The following ADAMTS14 variants were observed in gnomAD, a reference collection of about 807,000 sequenced individuals.
ADAMTS14 encodes ADAM metallopeptidase with thrombospondin type 1 motif 14.
ADAMTS14 carries 100 observed loss-of-function variants against 128.6 expected under a neutral mutation model. The ratio of observed to expected loss-of-function variants is 0.78; its 90% confidence interval spans 0.66 to 0.92. The LOEUF (loss-of-function observed/expected upper bound fraction) is 0.92. Among genes scored for constraint, ADAMTS14 ranks in the 40% least tolerant of loss-of-function variants. ADAMTS14 has a pLI of 0.00. For missense variants in ADAMTS14, 1,562 were observed against 1,658.6 expected, an observed-to-expected ratio of 0.94 and a Z score of 1.01; for synonymous variants, 665 against 653.8, an observed-to-expected ratio of 1.02 and a Z score of -0.26.
chr10:70,736,172 C>A (rs537384213), intron 9 of ADAMTS14, among the ~76,000 whole-genome samples: 2 of 152,328 alleles, frequency 1.3e-5, no homozygotes, highest in African/African-American at 4.8e-5. Context: ...GAAGCTATGG[C>A]TTCTCTGGAC....
chr10:70,698,358 G>C (rs150569878), intron 2 of ADAMTS14, among the ~76,000 whole-genome samples: 203 of 152,330 alleles, frequency 1.3e-3, no homozygotes, highest in African/African-American at 4.7e-3. Context: ...AGGAGGCAGA[G>C]AGCCAGAAAG....
Position 70,751,664 on chromosome 10 carries a change from C to G in ADAMTS14, c.2596+18C>G. 1 of 1,597,234 alleles carries G rather than the reference C, an allele frequency of 6.3e-7. No homozygotes were observed. The highest frequency in any genetic ancestry group is 8.6e-7 in the Non-Finnish European group (1 of 1,166,024). ...TGGAGGAGGTACCGGTTCCCTGACC[C>G]GCCAGTGCTTTGTTGGGGCAGCCCA... On this transcript the variant is annotated intron_variant, in intron 17 of 21. Transcript: ENST00000373207.
chr10:70,730,514 C>A (rs1414362945), intron 6 of ADAMTS14, among the ~76,000 whole-genome samples: 1 of 152,160 alleles, frequency 6.6e-6, no homozygotes, highest in East Asian at 1.9e-4. Context: ...GCTTAATGTC[C>A]CAGAGCCTGG....
At chr10:70,681,005 C>T (rs1050445995) in intron 2 of ADAMTS14, among the ~76,000 whole-genome samples, 4 of 152,140 alleles carry the variant, frequency 2.6e-5, no homozygotes, top group Non-Finnish European at 5.9e-5. Flanking sequence ...CATCAGAGTC[C>T]CTTTATTGCA....
chr10:70,701,821 C>A (rs368711386), intron 2 of ADAMTS14, among the ~76,000 whole-genome samples: 1 of 152,160 alleles, frequency 6.6e-6, no homozygotes, highest in Non-Finnish European at 1.5e-5. Context: ...GAAATAACAG[C>A]GCTTCATATT....
At chr10:70,690,502 T>C (rs1222807779) in intron 2 of ADAMTS14, among the ~76,000 whole-genome samples, 1 of 145,492 alleles carries the variant, frequency 6.9e-6, no homozygotes, top group African/African-American at 2.4e-5. Context: ...GGAACTTGTC[T>C]CTTGGCCACT....
At chr10:70,750,342 G>T (rs548485116) in intron 16 of ADAMTS14, among the ~76,000 whole-genome samples, 2 of 152,278 alleles carry the variant, frequency 1.3e-5, no homozygotes, top group South Asian at 4.1e-4. Context: ...TGGCAAGGGA[G>T]TCCAGGAGCA....
At chr10:70,749,765 C>T in intron 15 of ADAMTS14, 57 bp from the exon 16 acceptor site, 4 of 1,576,792 alleles carry the variant, frequency 2.5e-6, no homozygotes, top group Non-Finnish European at 2.6e-6. Context: ...ATATTCATGG[C>T]CCGCCCCCTG....
intron 4 of ADAMTS14, among the ~76,000 whole-genome samples, chr10:70,709,155 T>C (rs1042924489): frequency 6.6e-6 from 1 of 152,158 alleles, no homozygotes; most frequent in Non-Finnish European, 1.5e-5. Context: ...TTGAAGGGAC[T>C]CTTCTGGGAC....
At position 70,736,751 on chromosome 10, in the gene ADAMTS14, G is replaced by C. The variant is rs1405880815; in HGVS notation, c.1557G>C (p.Lys519Asn). 1 of 1,613,838 alleles carries C rather than the reference G, an allele frequency of 6.2e-7. No individual in the cohort carries two copies. Among genetic ancestry groups the C allele is most frequent in the Non-Finnish European group, 8.5e-7 (1 of 1,179,826 alleles). ...HPDNPYFCKTKKGPPLDGTEC... is the reference protein window; with the variant it reads ...HPDNPYFCKTNKGPPLDGTEC... ...ACAACCCGTACTTCTGCAAGACCAAGAAGGGGCCCCCGCTGGATGGGACTG... is the reference window on the plus strand; with the variant it reads ...ACAACCCGTACTTCTGCAAGACCAACAAGGGGCCCCCGCTGGATGGGACTG... The change falls in exon 10 of 22, where the codon AAG becomes AAC. Residue 519 changes from lysine (K) to asparagine (N), a missense_variant. By Grantham distance (94) the Lys-to-Asn change is moderately conservative (BLOSUM62 0). Transcript: ENST00000373207.
At chr10:70,726,588 A>C (rs1327950879) in intron 4 of ADAMTS14, among the ~76,000 whole-genome samples, 1 of 152,190 alleles carries the variant, frequency 6.6e-6, no homozygotes, top group East Asian at 1.9e-4. Flanking sequence ...TAGTGCACTC[A>C]GGGAGGTCTG....
At chr10:70,683,535 C>T (rs970206540) in intron 2 of ADAMTS14, among the ~76,000 whole-genome samples, 1 of 152,160 alleles carries the variant, frequency 6.6e-6, no homozygotes, top group Non-Finnish European at 1.5e-5. Flanking sequence ...TGTCTTGATC[C>T]CAGCCAAATT....
At chr10:70,713,244 C>T (rs900225848) in intron 4 of ADAMTS14, among the ~76,000 whole-genome samples, 9 of 148,620 alleles carry the variant, frequency 6.1e-5, no homozygotes, top group African/African-American at 2.2e-4. Context: ...CCCCAGCTGG[C>T]TTCACTGCCA....
In ADAMTS14 at chr10:70,745,255, G is replaced by A. The variant is rs1483874861; in HGVS notation, c.2212G>A (p.Gly738Ser). ...TCTCAAGCTGGTGCAGATCCCAGCAGGTGCCAGGCACATCCAGATTGAGGC... is the reference window on the plus strand; with the variant it reads ...TCTCAAGCTGGTGCAGATCCCAGCAAGTGCCAGGCACATCCAGATTGAGGC... ...GALKLVQIPAGARHIQIEALE... is the reference protein window; with the variant it reads ...GALKLVQIPASARHIQIEALE... The change falls in exon 15 of 22, where the codon GGT (glycine) becomes AGT (serine). Residue 738 changes from glycine (G) to serine (S), a missense_variant. By Grantham distance (56) the Gly-to-Ser change is moderately conservative. Transcript: ENST00000373207. 2 of 1,612,448 alleles carry A rather than the reference G, an allele frequency of 1.2e-6. No homozygotes were observed. Among genetic ancestry groups the A allele is most frequent in the African/African-American group, 2.7e-5 (2 of 74,878 alleles).
intron 2 of ADAMTS14, among the ~76,000 whole-genome samples, chr10:70,681,408 A>G (rs1839797423): frequency 6.6e-6 from 1 of 152,208 alleles, no homozygotes; most frequent in East Asian, 1.9e-4. Context: ...AGGTCATTTC[A>G]GCTCTCCGTG....
chr10:70,680,200 G>C (rs12253622), intron 2 of ADAMTS14, among the ~76,000 whole-genome samples: 10,972 of 152,088 alleles, frequency 0.072, 854 homozygotes, highest in African/African-American at 0.2. Context: ...TGGGGAGTTT[G>C]AGACCAGCCT....
At chr10:70,750,777 G>A (rs780779870) in intron 16 of ADAMTS14, among the ~76,000 whole-genome samples, 6 of 152,236 alleles carry the variant, frequency 3.9e-5, no homozygotes, top group Middle Eastern at 3.4e-3. Context: ...ATATGGTGCC[G>A]GGACACCTGG....
At chr10:70,688,675 G>A (rs1410889266) in intron 2 of ADAMTS14, among the ~76,000 whole-genome samples, 3 of 114,294 alleles carry the variant, frequency 2.6e-5, no homozygotes, top group African/African-American at 6.2e-5. Context: ...AGACTGGCCC[G>A]GCCAACACAG....
intron 15 of ADAMTS14, among the ~76,000 whole-genome samples, chr10:70,748,983 G>T (rs937726602): frequency 6.6e-6 from 1 of 152,206 alleles, no homozygotes; most frequent in Non-Finnish European, 1.5e-5. Flanking sequence ...GGGTCTTTTG[G>T]TAATAAGTTG....
Sources: allele counts gnomAD v4.1 joint callset (sites outside exome capture counted in the v4.1 genomes callset), GRCh38; gene constraint gnomAD v4.1.1; transcripts MANE v1.5; gene names NCBI Gene and HGNC (gene_info 2026-07-23, HGNC 2026-07-21).